The following NLGN1 variants were observed in gnomAD, a reference collection of about 807,000 sequenced individuals.
NLGN1 encodes the protein neuroligin 1.
Under a neutral mutation model 65.5 loss-of-function variants are expected in NLGN1, and 12 were observed. That is an observed-to-expected ratio of 0.18 (90% CI 0.12 to 0.30). The LOEUF is 0.30. Ranked by LOEUF, NLGN1 falls within the 10% of genes least tolerant of loss-of-function variation. The pLI, the probability that NLGN1 is intolerant of heterozygous loss-of-function variation, is 1.00. For missense variants in NLGN1, 750 were observed against 1,007.1 expected (o/e 0.74, Z 3.46); for synonymous variants, 350 against 359.5 (o/e 0.97, Z 0.30).
chr3:173,708,746 A>T (rs1405737788), intron 3 of NLGN1, among the ~76,000 whole-genome samples: 1 of 152,098 alleles, frequency 6.6e-6, no homozygotes, highest in Non-Finnish European at 1.5e-5. Flanking sequence ...CCTTGCCTAG[A>T]TGTAGGGGTG....
chr3:174,095,157 G>T (rs1745233455), intron 4 of NLGN1, among the ~76,000 whole-genome samples: 1 of 151,476 alleles, frequency 6.6e-6, no homozygotes, highest in African/African-American at 2.4e-5. Context: ...AATCTTTAAG[G>T]TTGCTTGGCA....
chr3:174,029,397 G>T (rs1037377454), intron 4 of NLGN1, among the ~76,000 whole-genome samples: 1 of 152,192 alleles, frequency 6.6e-6, no homozygotes, highest in African/African-American at 2.4e-5. Context: ...CTTGCATGGG[G>T]CCTGTAGCCC....
intron 3 of NLGN1, among the ~76,000 whole-genome samples, chr3:173,668,771 G>A (rs1762065160): frequency 6.6e-6 from 1 of 151,860 alleles, no homozygotes; most frequent in African/African-American, 2.4e-5. Context: ...TTACAGGCAT[G>A]AGCCACCGTG....
chr3:173,706,114 G>C (rs557527413), intron 3 of NLGN1, among the ~76,000 whole-genome samples: 64 of 152,284 alleles, frequency 4.2e-4, no homozygotes, highest in African/African-American at 1.5e-3. Flanking sequence ...GTGTTAAATA[G>C]AGCATGAGAG....
chr3:173,726,994 G>T (rs142018765), intron 3 of NLGN1, among the ~76,000 whole-genome samples: 1 of 151,610 alleles, frequency 6.6e-6, no homozygotes, highest in Admixed American at 6.6e-5. Context: ...AACTTCTCTG[G>T]TGTTTGTTTA....
intron 4 of NLGN1, among the ~76,000 whole-genome samples, chr3:173,960,313 G>T (rs1268957456): frequency 6.6e-6 from 1 of 151,756 alleles, no homozygotes; most frequent in Non-Finnish European, 1.5e-5. Context: ...AAAAATATTT[G>T]CAGATAAAAA....
At chr3:174,130,423 T>C (rs573937516) in intron 4 of NLGN1, among the ~76,000 whole-genome samples, 1 of 152,196 alleles carries the variant, frequency 6.6e-6, no homozygotes, top group African/African-American at 2.4e-5. Context: ...CCTCACCCCA[T>C]GCCTCCAAAC....
At chr3:173,864,625 A>G (rs1729764296) in intron 4 of NLGN1, among the ~76,000 whole-genome samples, 1 of 152,210 alleles carries the variant, frequency 6.6e-6, no homozygotes, top group Non-Finnish European at 1.5e-5. Flanking sequence ...TTATGATTTT[A>G]CCATTAATTT....
At chr3:173,633,945 G>T (rs545158198) in intron 3 of NLGN1, among the ~76,000 whole-genome samples, 2 of 152,066 alleles carry the variant, frequency 1.3e-5, no homozygotes, top group African/African-American at 4.8e-5. Context: ...ACACTGTAAG[G>T]CATTGTTCTG....
chr3:173,462,364 C>T (rs953389834), intron 2 of NLGN1, among the ~76,000 whole-genome samples: 19 of 152,112 alleles, frequency 1.2e-4, no homozygotes, highest in African/African-American at 4.1e-4. Flanking sequence ...TTAGCTTTCT[C>T]CTCCAAACCA....
At chr3:173,493,951 C>A (rs1478523935) in intron 2 of NLGN1, among the ~76,000 whole-genome samples, 1 of 151,638 alleles carries the variant, frequency 6.6e-6, no homozygotes, top group Non-Finnish European at 1.5e-5. Context: ...ACATGGCTAT[C>A]CTCAGATTCA....
At position 173,668,484 on chromosome 3, in the gene NLGN1, A is replaced by G. The variant is rs143966989; in HGVS notation, c.493+63393A>G. Among the ~76,000 whole-genome samples, 819 of 152,070 alleles carry G rather than the reference A, an allele frequency of 5.4e-3. 19 individuals are homozygous for G. The highest frequency in any genetic ancestry group is 0.048 in the Admixed American group (726 of 15,270). On this transcript the variant is annotated intron_variant, in intron 3 of 6. Coordinates refer to ENST00000457714, the Ensembl canonical transcript of NLGN1. ...CTGGAAGGGATTTGGAATTATTGCT[A>G]TTTTCATGGGATAGCTATCTGTGTA...
chr3:173,905,513 T>A (rs1738212518), intron 4 of NLGN1, among the ~76,000 whole-genome samples: 1 of 152,146 alleles, frequency 6.6e-6, no homozygotes, highest in Admixed American at 6.6e-5. Context: ...CTTTTCCTGG[T>A]CTAGCACCAT....
chr3:173,462,799 T>C (rs1294478083), intron 2 of NLGN1, among the ~76,000 whole-genome samples: 3 of 152,202 alleles, frequency 2.0e-5, no homozygotes, highest in African/African-American at 7.2e-5. Flanking sequence ...TTAATTTGTT[T>C]TCTTAAAAAA....
chr3:174,016,619 T>C (rs988491), intron 4 of NLGN1, among the ~76,000 whole-genome samples: 8 of 152,202 alleles, frequency 5.3e-5, no homozygotes, highest in Admixed American at 1.3e-4. Context: ...TAGATGCTTA[T>C]AATTGGGTTG....
chr3:174,075,156 A>G (rs1740652448), intron 4 of NLGN1, among the ~76,000 whole-genome samples: 1 of 152,178 alleles, frequency 6.6e-6, no homozygotes, highest in Non-Finnish European at 1.5e-5. Flanking sequence ...TTCTGGTGGC[A>G]TTTAAAATAT....
rs905401716 is a variant in NLGN1 at position 174,122,792 on chromosome 3, G to T, written c.647-152523G>T. On this transcript the variant is annotated intron_variant, in intron 4 of 6. Transcript: ENST00000457714. ...GGGTTTTTAATTACAGAGAGAAGAT[G>T]AATTTTTTTTTTCTCATTCTTAGAT... 2.0e-5 allele frequency among the ~76,000 whole-genome samples: 3 copies of T among 151,976 alleles called. No homozygotes were observed. In the South Asian group the frequency reaches 6.2e-4, roughly 32 times the overall value.
intron 4 of NLGN1, among the ~76,000 whole-genome samples, chr3:174,032,992 A>C (rs976002308): frequency 1.3e-5 from 2 of 151,968 alleles, no homozygotes; most frequent in Non-Finnish European, 2.9e-5. Context: ...ATATATAGAT[A>C]TAGATCTATC....
chr3:173,650,320 A>G (rs1191024611), intron 3 of NLGN1, among the ~76,000 whole-genome samples: 1 of 152,172 alleles, frequency 6.6e-6, no homozygotes, highest in East Asian at 1.9e-4. Flanking sequence ...AAACTCTTGC[A>G]TAGATATAGA....
Sources: gnomAD v4.1 joint callset for allele counts (sites outside exome capture counted in the v4.1 genomes callset) on GRCh38, gnomAD v4.1.1 for gene constraint, MANE v1.5 for transcripts, NCBI Gene and HGNC (gene_info 2026-07-23, HGNC 2026-07-21) for gene names.